Variants in LIPC observed in about 807,000 individuals in gnomAD.
LIPC encodes hepatic triacylglycerol lipase.
Under a neutral mutation model 50.7 loss-of-function variants are expected in LIPC, and 44 were observed. That is an observed-to-expected ratio of 0.87 (90% CI 0.68 to 1.11). The LOEUF (loss-of-function observed/expected upper bound fraction) is 1.11. Among genes scored for constraint, LIPC ranks in the 50% most tolerant of loss-of-function variants. LIPC has a pLI of 0.00. For synonymous variants in LIPC, 271 were observed against 256.4 expected (o/e 1.06, Z -0.54); for missense variants, 697 against 648.2 (o/e 1.08, Z -0.82).
At chr15:58,496,570 C>G (rs566920146) in intron 1 of LIPC, among the ~76,000 whole-genome samples, 1 of 152,078 alleles carries the variant, frequency 6.6e-6, no homozygotes, top group Non-Finnish European at 1.5e-5. Context: ...CACTATAAAT[C>G]AAGACCTCTG....
At chr15:58,485,874 G>C (rs1383697180) in intron 1 of LIPC, among the ~76,000 whole-genome samples, 1 of 152,198 alleles carries the variant, frequency 6.6e-6, no homozygotes, top group African/African-American at 2.4e-5. Flanking sequence ...AGAACAATGA[G>C]AACTTCTGGA....
intron 1 of LIPC, among the ~76,000 whole-genome samples, chr15:58,455,996 G>A (rs779263540): frequency 6.6e-6 from 1 of 152,156 alleles, no homozygotes; most frequent in Non-Finnish European, 1.5e-5. Flanking sequence ...AAGGGGGTCA[G>A]GGATGGATAG....
At chr15:58,486,345 T>C (rs1331178781) in intron 1 of LIPC, among the ~76,000 whole-genome samples, 1 of 152,156 alleles carries the variant, frequency 6.6e-6, no homozygotes, top group African/African-American at 2.4e-5. Context: ...CTTTGGGTAG[T>C]ATATCAGCTC....
At chr15:58,496,205 G>A (rs1180881702) in intron 1 of LIPC, among the ~76,000 whole-genome samples, 2 of 152,180 alleles carry the variant, frequency 1.3e-5, no homozygotes, top group Admixed American at 6.5e-5. Context: ...AGCTGGAGAA[G>A]AGGATGTTAC....
chr15:58,487,158 T>G (rs571494212), intron 1 of LIPC, among the ~76,000 whole-genome samples: 1 of 152,204 alleles, frequency 6.6e-6, no homozygotes, highest in African/African-American at 2.4e-5. Flanking sequence ...CAAGTACTTA[T>G]GAGATTTTCA....
At chr15:58,501,140 C>T (rs1312002649) in intron 1 of LIPC, among the ~76,000 whole-genome samples, 1 of 152,066 alleles carries the variant, frequency 6.6e-6, no homozygotes, top group African/African-American at 2.4e-5. Context: ...AAAATGCCTC[C>T]TGTGCACCCT....
chr15:58,563,822 A>G (rs889635628), intron 8 of LIPC, 99 bp downstream of exon 8: 138 of 1,001,430 alleles, frequency 1.4e-4, no homozygotes, highest in Non-Finnish European at 1.9e-4. Context: ...TGAGGTGAGT[A>G]TTATTAGGCC....
intron 5 of LIPC, 109 bp downstream of exon 5, chr15:58,546,084 T>C (rs1182937375): frequency 1.0e-6 from 1 of 972,146 alleles, no homozygotes; most frequent in African/African-American, 1.6e-5. Flanking sequence ...TCAGCAAGGA[T>C]AGGGGCCCAG....
intron 4 of LIPC, among the ~76,000 whole-genome samples, 175 bp from the exon 5 acceptor site, chr15:58,545,567 T>C (rs1893492809): frequency 6.6e-6 from 1 of 152,200 alleles, no homozygotes; most frequent in South Asian, 2.1e-4. Context: ...CACCATGAAC[T>C]ACTGTGGTTT....
intron 8 of LIPC, among the ~76,000 whole-genome samples, chr15:58,567,864 T>G (rs1310693454): frequency 6.6e-6 from 1 of 152,192 alleles, no homozygotes; most frequent in Non-Finnish European, 1.5e-5. Context: ...GGAGTGATGT[T>G]AGTGAAGGCC....
intron 1 of LIPC, among the ~76,000 whole-genome samples, chr15:58,502,295 A>G (rs778467076): frequency 6.6e-5 from 10 of 151,982 alleles, no homozygotes; most frequent in Non-Finnish European, 1.2e-4. Context: ...AAACATTTCC[A>G]TTCCTGTGCT....
intron 5 of LIPC, among the ~76,000 whole-genome samples, chr15:58,547,675 A>G (rs372284932): frequency 0.024 from 1,811 of 74,134 alleles, 35 homozygotes; most frequent in African/African-American, 0.072. Context: ...GATCAACCTC[A>G]TAAGCTTGTT....
Position 58,538,511 on chromosome 15 carries a change from G to C in LIPC, c.267G>C (p.Gly89=), listed in dbSNP as rs1286380441. ...SSLPLVMIIH[G]WSVDGVLENW... is the part of the protein sequence containing the mutation. ...TGCCTCTGGTGATGATAATCCACGG[G>C]TGGTCGGTAGGAAATGCTGACATGC... The change falls in exon 2 of 9, where the codon GGG becomes GGC. Residue 89 remains glycine, a synonymous_variant. Transcript: ENST00000299022. 1.2e-6 allele frequency: 2 copies of C among 1,614,086 alleles called. No individual in the cohort carries two copies. The highest frequency in any genetic ancestry group is 1.7e-5 in the Admixed American group (1 of 60,026).
At chr15:58,562,814 C>CA (rs1555407533) in intron 7 of LIPC, among the ~76,000 whole-genome samples, 6 of 150,768 alleles carry the variant, frequency 4.0e-5, no homozygotes, top group African/African-American at 1.5e-4. Flanking sequence ...GACCCCCCCC[C>CA]AACCCCACCA....
rs1566926421 is a variant in LIPC at position 58,489,224 on chromosome 15, GGGGGGGC to G, written c.89-49106_89-49100del. Among the ~76,000 whole-genome samples the G allele has an allele frequency of 1.1e-3, 104 of 91,282 alleles. 24 individuals are homozygous for G. The highest frequency in any genetic ancestry group is 4.5e-3 in the South Asian group (13 of 2,918). 59.9% of individuals were successfully genotyped at this position (91,282 alleles called of 152,430 possible). Reference sequence around the variant, plus strand: ...TAGGGATTCATTTTGTTGCGGGGGCGGGGGGGCGGCTTACAAGCTTCCCAGGGTTCAG... The same window carrying G: ...TAGGGATTCATTTTGTTGCGGGGGCGGGCTTACAAGCTTCCCAGGGTTCAG... On this transcript the variant is annotated intron_variant, in intron 1 of 8. Coordinates refer to ENST00000299022, the MANE Select transcript of LIPC (RefSeq NM_000236.3).
chr15:58,432,477 A>T, intron 1 of LIPC: 1 of 317,100 alleles, frequency 3.2e-6, no homozygotes, highest in Non-Finnish European at 6.1e-6. Context: ...GCAACCGGGG[A>T]GCCAGGCTTG....
Position 58,538,517 on chromosome 15 carries a change from G to T in LIPC, c.273G>T (p.Ser91=). 6.2e-7 allele frequency: 1 copy of T among 1,613,794 alleles called. No homozygotes were observed. Among genetic ancestry groups the T allele is most frequent in the Non-Finnish European group, 8.5e-7 (1 of 1,179,808 alleles). ...LPLVMIIHGW[S]VDGVLENWIW... is the part of the protein sequence containing the mutation. ...TGGTGATGATAATCCACGGGTGGTC[G>T]GTAGGAAATGCTGACATGCCGTTTT... is the stretch of plus-strand genomic sequence containing the variant. The change falls in exon 2 of 9, where the codon TCG becomes TCT. Residue 91 remains serine (S), a splice_region_variant and synonymous_variant. Coordinates refer to ENST00000299022, the MANE Select transcript of LIPC (RefSeq NM_000236.3).
At position 58,433,650 on chromosome 15, in the gene LIPC, G is replaced by A. The variant is rs1227143871; in HGVS notation, c.88+1530G>A. On this transcript the variant is annotated intron_variant, in intron 1 of 8. Transcript: ENST00000299022. ...TTTTGCAATGGAGCCATGGGAATTGGAAGCTGTCAGTGCTGAGATAGAGGT... is the reference window on the plus strand; with the variant it reads ...TTTTGCAATGGAGCCATGGGAATTGAAAGCTGTCAGTGCTGAGATAGAGGT... Among the ~76,000 whole-genome samples, 6 of 152,314 alleles carry A rather than the reference G, an allele frequency of 3.9e-5. No homozygotes were observed. The East Asian group carries it at 1.2e-3, about 29-fold the overall frequency.
At chr15:58,484,310 T>C (rs563936816) in intron 1 of LIPC, among the ~76,000 whole-genome samples, 3 of 152,312 alleles carry the variant, frequency 2.0e-5, no homozygotes, top group African/African-American at 7.2e-5. Context: ...CACCAGCATA[T>C]AGAAAAATGC....
Sources: allele counts gnomAD v4.1 joint callset (sites outside exome capture counted in the v4.1 genomes callset), GRCh38; gene constraint gnomAD v4.1.1; transcripts MANE v1.5; gene names NCBI Gene and HGNC (gene_info 2026-07-23, HGNC 2026-07-21).